SOX30: variants seen among roughly 807,000 people sequenced by gnomAD.
SOX30 encodes the protein SRY-box transcription factor 30, also known as transcription factor SOX-30.
In SOX30, 17 loss-of-function variants were observed where a neutral mutation model predicts 58.6. The observed-to-expected ratio is 0.29, with a 90% confidence interval of 0.20 to 0.44. SOX30 has a LOEUF of 0.44. Ranked by LOEUF, SOX30 falls within the 20% of genes least tolerant of loss-of-function variation. SOX30 has a pLI of 1.00. For missense variants in SOX30, 951 were observed against 965.8 expected, an observed-to-expected ratio of 0.98 and a Z score of 0.20; for synonymous variants, 421 against 400.2, an observed-to-expected ratio of 1.05 and a Z score of -0.62.
At chr5:157,627,351 G>A (rs1319922629) in intron 4 of SOX30, among the ~76,000 whole-genome samples, 1 of 152,030 alleles carries the variant, frequency 6.6e-6, no homozygotes, top group East Asian at 1.9e-4. Context: ...GACAGAGTGA[G>A]ACTCCGCCTC....
At chr5:157,662,779 C>T (rs1488689614) in intron 2 of SOX30, among the ~76,000 whole-genome samples, 2 of 152,190 alleles carry the variant, frequency 1.3e-5, no homozygotes, top group Non-Finnish European at 2.9e-5. Context: ...TGATGGTCTT[C>T]TCTCTAATGC....
chr5:157,626,814 G>C, intron 4 of SOX30, 93 bp from the exon 5 acceptor site: 2 of 1,398,440 alleles, frequency 1.4e-6, no homozygotes, highest in Non-Finnish European at 1.9e-6. Flanking sequence ...TCCTCTTTGG[G>C]GTTTGGAAAG....
At chr5:157,627,893 C>T (rs1758696779) in intron 4 of SOX30, among the ~76,000 whole-genome samples, 1 of 151,882 alleles carries the variant, frequency 6.6e-6, no homozygotes, top group Non-Finnish European at 1.5e-5. Flanking sequence ...ACTCAGGAGG[C>T]TGAGGCAGGA....
In SOX30 at chr5:157,648,912, TA is replaced by T. The variant is rs551798354; in HGVS notation, c.968-17del. 2.1e-5 allele frequency: 33 copies of T among 1,563,988 alleles called. No homozygotes were observed. The Admixed American group carries it at 4.8e-4, about 23-fold the overall frequency. ...TCTGGTATGCCTACATGACAAAAAT[TA>T]AAAGGCTAAATTAATGTGCCATACA... is the stretch of plus-strand genomic sequence containing the variant. On this transcript the variant is annotated splice_polypyrimidine_tract_variant and intron_variant, in intron 1 of 4. Transcript: ENST00000265007.
intron 3 of SOX30, among the ~76,000 whole-genome samples, chr5:157,645,803 C>T (rs1759176356): frequency 6.6e-6 from 1 of 152,090 alleles, no homozygotes; most frequent in Admixed American, 6.6e-5. Context: ...GGCAGATCAT[C>T]TGAGGTCGGG....
chr5:157,648,616 T>C (rs757355073), intron 2 of SOX30, 41 bp downstream of exon 2: 3 of 1,575,840 alleles, frequency 1.9e-6, no homozygotes, highest in East Asian at 2.2e-5. Flanking sequence ...ACTAAATAAA[T>C]TCATTTAAAA....
At chr5:157,670,016 G>A (rs944354363) in intron 1 of SOX30, among the ~76,000 whole-genome samples, 1 of 152,200 alleles carries the variant, frequency 6.6e-6, no homozygotes, top group African/African-American at 2.4e-5. Flanking sequence ...CAAGGAAAAA[G>A]CCTCCTGAAC....
chr5:157,651,001 A>G, intron 1 of SOX30, 111 bp downstream of exon 1: 1 of 813,716 alleles, frequency 1.2e-6, no homozygotes, highest in East Asian at 2.5e-5. Context: ...CCCTGAAAAC[A>G]ATCAGTTCCA....
chr5:157,643,876 C>T (rs532606834), intron 3 of SOX30, among the ~76,000 whole-genome samples: 29 of 152,108 alleles, frequency 1.9e-4, no homozygotes, highest in East Asian at 7.7e-4. Context: ...TTATAGCACA[C>T]GAGATGTGTG....
chr5:157,662,979 C>T (rs1759603448), intron 2 of SOX30, among the ~76,000 whole-genome samples: 1 of 152,038 alleles, frequency 6.6e-6, no homozygotes. Context: ...AGCCTACCAA[C>T]CAAGTAGGAC....
At chr5:157,635,390 G>A (rs1446267337) in intron 4 of SOX30, among the ~76,000 whole-genome samples, 1 of 152,214 alleles carries the variant, frequency 6.6e-6, no homozygotes, top group African/African-American at 2.4e-5. Flanking sequence ...TTGGGAGGCT[G>A]AGGCAGGTGG....
chr5:157,653,023 C>G (rs1359500878), upstream of SOX30, among the ~76,000 whole-genome samples: 1 of 152,212 alleles, frequency 6.6e-6, no homozygotes, highest in African/African-American at 2.4e-5. Flanking sequence ...CCTACTACTG[C>G]TACTATTAGA....
chr5:157,626,454 A>C lies in SOX30; in HGVS notation c.2148T>G (p.Ile716Met). The C allele has an allele frequency of 6.2e-7, 1 of 1,614,198 alleles. No individual in the cohort carries two copies. Among genetic ancestry groups the C allele is most frequent in the Non-Finnish European group, 8.5e-7 (1 of 1,180,036 alleles). ...CTGTGAAGACATTCTCCAAGGTTCCAATGTCCAGCTGAGGCACAGGGTTTA... is the reference window on the plus strand; with the variant it reads ...CTGTGAAGACATTCTCCAAGGTTCCCATGTCCAGCTGAGGCACAGGGTTTA... ...ENLNPVPQLDIGTLENVFTAP... is the reference protein window; with the variant it reads ...ENLNPVPQLDMGTLENVFTAP... The change falls in exon 5 of 5, where the codon ATT becomes ATG. Residue 716 changes from isoleucine (I) to methionine (M), a missense_variant. By Grantham distance (10) the Ile-to-Met change is conservative (BLOSUM62 1). This residue lies in a region of SOX30 where 381 missense variants were observed against 390.0 expected (regional missense o/e 0.98). Transcript: ENST00000265007.
intron 2 of SOX30, among the ~76,000 whole-genome samples, chr5:157,661,491 A>G (rs968195651): frequency 6.6e-6 from 1 of 152,238 alleles, no homozygotes; most frequent in Non-Finnish European, 1.5e-5. Context: ...GCAACCAATC[A>G]ACTCTGCTTT....
At position 157,642,152 on chromosome 5, in the gene SOX30, C is replaced by T. The variant is rs1187369778; in HGVS notation, c.1388-3430G>A. ...CCAATGTTGCGAAACCCCGTCTCTA[C>T]TAAAAATACAAAAATTAGCCAGGCG... On this transcript the variant is annotated intron_variant, in intron 3 of 4. Transcript: ENST00000265007. Among the ~76,000 whole-genome samples, 7 of 151,928 alleles carry T rather than the reference C, an allele frequency of 4.6e-5. No homozygotes were observed. The East Asian group carries it at 1.4e-3, about 29-fold the overall frequency.
chr5:157,651,727 C>T lies in SOX30; in HGVS notation c.352G>A (p.Gly118Ser), dbSNP rs1256849487. The change falls in exon 1 of 5, where the codon GGC (glycine) becomes AGC (serine). Residue 118 changes from glycine to serine, a missense_variant. This residue lies in a region of SOX30 where 363 missense variants were observed against 294.5 expected (regional missense o/e 1.23). Coordinates refer to ENST00000265007, the MANE Select transcript of SOX30 (RefSeq NM_178424.2). Reference protein sequence around the residue: ...RLLQPPTASDGATSRPELHPV... With the variant: ...RLLQPPTASDSATSRPELHPV... ...TGCAACTCGGGCCTGGAGGTGGCGC[C>T]GTCTGACGCTGTCGGCGGCTGCAGG... 2 of 1,569,884 alleles carry T rather than the reference C, an allele frequency of 1.3e-6. No homozygotes were observed. Among genetic ancestry groups the T allele is most frequent in the East Asian group, 2.4e-5 (1 of 42,268 alleles).
Position 157,626,284 on chromosome 5 carries a change from C to G in SOX30, c.*56G>C, listed in dbSNP as rs1758649519. Reference sequence around the variant, plus strand: ...TAGGCTTTTTTTTTTCTCATACCAACTGACCCAGAATATATTTTAAGAAAT... The same window carrying G: ...TAGGCTTTTTTTTTTCTCATACCAAGTGACCCAGAATATATTTTAAGAAAT... On this transcript the variant is annotated 3_prime_UTR_variant, in exon 5 of 5. Coordinates refer to ENST00000265007, the MANE Select transcript of SOX30 (RefSeq NM_178424.2). 1.4e-6 allele frequency: 2 copies of G among 1,394,916 alleles called. No individual in the cohort carries two copies. Among genetic ancestry groups the G allele is most frequent in the Non-Finnish European group, 1.9e-6 (2 of 1,039,830 alleles). The allele number at this position is 1,394,916 out of a possible 1,614,324, so 86.4% of individuals were successfully genotyped here. A position where few individuals can be genotyped will look rare whatever the true frequency, so the allele number is the denominator to read the frequency against.
chr5:157,642,504 T>C (rs1021528601), intron 3 of SOX30, among the ~76,000 whole-genome samples: 5 of 151,954 alleles, frequency 3.3e-5, no homozygotes, highest in Non-Finnish European at 7.4e-5. Flanking sequence ...AATATTGATA[T>C]TGGCTAGGGA....
chr5:157,643,938 A>G (rs2113843697), intron 3 of SOX30, among the ~76,000 whole-genome samples: 1 of 152,344 alleles, frequency 6.6e-6, no homozygotes, highest in South Asian at 2.1e-4. Context: ...TATTAAATAT[A>G]CAGTGAAATT....
Sources: gnomAD v4.1 joint callset for allele counts (sites outside exome capture counted in the v4.1 genomes callset) on GRCh38, gnomAD v4.1.1 for gene constraint, gnomAD v4.1.1 regional missense constraint, MANE v1.5 for transcripts, NCBI Gene and HGNC (gene_info 2026-07-23, HGNC 2026-07-21) for gene names.